PEAK1: variants seen among roughly 807,000 people sequenced by gnomAD.
The protein encoded by PEAK1 is pseudopodium enriched atypical kinase 1, also known as inactive tyrosine-protein kinase PEAK1.
Under a neutral mutation model 124.7 loss-of-function variants are expected in PEAK1, and 54 were observed. The observed-to-expected ratio is 0.43, with a 90% CI of 0.35 to 0.54. The LOEUF is 0.54. Among genes scored for constraint, PEAK1 ranks in the 20% least tolerant of loss-of-function variants. The probability of loss-of-function intolerance (pLI) is 0.01; values close to 1 mark genes in which losing one functional copy is unlikely to be tolerated. For synonymous variants in PEAK1, 719 were observed against 760.0 expected (o/e 0.95, Z 0.89); for missense variants, 2,046 against 2,134.5 (o/e 0.96, Z 0.82).
Position 77,133,799 on chromosome 15 carries a change from A to G in PEAK1, c.3332-49T>C, listed in dbSNP as rs777706123. The G allele has an allele frequency of 1.3e-6, 2 of 1,496,014 alleles. No individual in the cohort carries two copies. The highest frequency in any genetic ancestry group is 2.4e-5 in the Admixed American group (1 of 41,862). The allele number at this position is 1,496,014 out of a possible 1,614,324, so 92.7% of individuals were successfully genotyped here. On this transcript the variant is annotated intron_variant, in intron 8 of 9. Transcript: ENST00000682557. This position sits in a 1 kb window ranked among gnomAD's most constrained non-coding sequence, Gnocchi z 4.2. ...AAAGAAAAGAGTAAGTAAAGTTTTCAATCTAATTTTATAACTGAAACTTGA... is the reference window on the plus strand; with the variant it reads ...AAAGAAAAGAGTAAGTAAAGTTTTCGATCTAATTTTATAACTGAAACTTGA...
At chr15:77,378,688 T>C (rs926414837) in intron 1 of PEAK1, among the ~76,000 whole-genome samples, 10 of 152,172 alleles carry the variant, frequency 6.6e-5, no homozygotes, top group Non-Finnish European at 1.0e-4. Flanking sequence ...GTCAATTCTC[T>C]TTGGCTTCAG....
intron 2 of PEAK1, among the ~76,000 whole-genome samples, chr15:77,342,621 C>T (rs1597369791): frequency 6.6e-6 from 1 of 152,198 alleles, no homozygotes; most frequent in African/African-American, 2.4e-5. Flanking sequence ...GTTGCCCAGA[C>T]TAGTCTAGAA....
intron 2 of PEAK1, among the ~76,000 whole-genome samples, chr15:77,355,580 C>A (rs1324061494): frequency 6.6e-6 from 1 of 152,168 alleles, no homozygotes. Context: ...AGAAGCAATA[C>A]TGAAAAATCA....
At chr15:77,194,688 T>C (rs1335766604) in intron 6 of PEAK1, among the ~76,000 whole-genome samples, 1 of 152,204 alleles carries the variant, frequency 6.6e-6, no homozygotes, top group African/African-American at 2.4e-5. Flanking sequence ...TGGCACTGTA[T>C]GTTTCTTGAA....
intron 6 of PEAK1, among the ~76,000 whole-genome samples, chr15:77,220,520 CAAAA>C (rs34013493): frequency 1.3e-5 from 1 of 76,818 alleles, no homozygotes; most frequent in Non-Finnish European, 2.9e-5. Context: ...AGCTAAAATT[CAAAA>C]AAAAAAAAAA....
chr15:77,378,480 C>T (rs988111902), intron 1 of PEAK1, among the ~76,000 whole-genome samples: 2 of 152,004 alleles, frequency 1.3e-5, no homozygotes, highest in Non-Finnish European at 2.9e-5. Context: ...TTACATATTA[C>T]AAATTATATT....
chr15:77,404,666 T>G, intron 1 of PEAK1: 5 of 954,448 alleles, frequency 5.2e-6, no homozygotes, highest in Non-Finnish European at 6.2e-6. Flanking sequence ...TCTTCGAGAC[T>G]ATAAAGAGTC....
At chr15:77,268,841 G>A (rs1305511359) in intron 5 of PEAK1, among the ~76,000 whole-genome samples, 2 of 152,128 alleles carry the variant, frequency 1.3e-5, no homozygotes, top group African/African-American at 4.8e-5. Flanking sequence ...CAAGCTAGAA[G>A]GGACTGCAAT....
At chr15:77,266,058 C>T (rs527888707) in intron 5 of PEAK1, among the ~76,000 whole-genome samples, 2 of 151,438 alleles carry the variant, frequency 1.3e-5, no homozygotes, top group South Asian at 2.1e-4. Flanking sequence ...ACAATGAGAA[C>T]ACATGGACAC....
intron 1 of PEAK1, among the ~76,000 whole-genome samples, chr15:77,367,017 C>T (rs1350111166): frequency 6.6e-6 from 1 of 152,008 alleles, no homozygotes; most frequent in Non-Finnish European, 1.5e-5. Flanking sequence ...ACCTGTAATC[C>T]CATCTACTCA....
At chr15:77,235,257 TG>T (rs2060070032) in intron 6 of PEAK1, among the ~76,000 whole-genome samples, 1 of 151,884 alleles carries the variant, frequency 6.6e-6, no homozygotes, top group African/African-American at 2.4e-5. Flanking sequence ...ACTTTGGAAC[TG>T]GGTAACAAGC....
chr15:77,343,624 T>G (rs1329477406), intron 2 of PEAK1, among the ~76,000 whole-genome samples: 2 of 151,956 alleles, frequency 1.3e-5, no homozygotes, highest in African/African-American at 2.4e-5. Flanking sequence ...TAGCTGGGGT[T>G]ACAGGCACAC....
chr15:77,250,269 CAG>C (rs2060818380), intron 6 of PEAK1, among the ~76,000 whole-genome samples: 1 of 133,636 alleles, frequency 7.5e-6, no homozygotes, highest in Non-Finnish European at 1.5e-5. Context: ...TTTTTTTTGA[CAG>C]AGTTTCACTC....
Position 77,180,167 on chromosome 15 carries a change from G to T in PEAK1, c.1760C>A (p.Ser587Ter). ...AAATTTAATTTCAGACAAATTAGGTGACTTAACAGGGATGGTTTTGGAGGA... is the reference window on the plus strand; with the variant it reads ...AAATTTAATTTCAGACAAATTAGGTTACTTAACAGGGATGGTTTTGGAGGA... ...NISSKTIPVK[S>*]PNLSEIKFNS... The change falls in exon 7 of 10, where the codon TCA becomes TAA. Residue 587 changes from serine to a stop codon, truncating the protein, a stop_gained. Transcript: ENST00000682557. LOFTEE classifies it high-confidence loss of function. 6.2e-7 allele frequency: 1 copy of T among 1,614,054 alleles called. No homozygotes were observed. Among genetic ancestry groups the T allele is most frequent in the Non-Finnish European group, 8.5e-7 (1 of 1,179,922 alleles).
rs555386235 is a variant in PEAK1 at position 77,252,722 on chromosome 15, C to A, written c.-274-196G>T. ...CACTCAAGACCTCCCCATGGCATAC[C>A]AAAGAACCAGTAACTTACAAGAACC... is the stretch of plus-strand genomic sequence containing the variant. On this transcript the variant is annotated intron_variant, in intron 5 of 9. Coordinates refer to ENST00000682557, the MANE Select transcript of PEAK1 (RefSeq NM_001385026.1). 5.3e-5 allele frequency among the ~76,000 whole-genome samples: 8 copies of A among 152,218 alleles called. No individual in the cohort carries two copies. The East Asian group carries it at 1.5e-3, about 29-fold the overall frequency.
intron 9 of PEAK1, among the ~76,000 whole-genome samples, chr15:77,125,348 A>T (rs1482306980): frequency 1.3e-5 from 2 of 152,230 alleles, no homozygotes; most frequent in Non-Finnish European, 2.9e-5. Context: ...ACATGTGCTC[A>T]GAAAATTAAA....
At chr15:77,419,027 T>C (rs771558661) in intron 1 of PEAK1, 51 of 985,104 alleles carry the variant, frequency 5.2e-5, no homozygotes, top group Non-Finnish European at 6.1e-5. Flanking sequence ...AAAAAATCAA[T>C]TAGGTTTTCT....
At chr15:77,102,291 AC>A (rs1287659992) in exon 7 of PEAK1, 3 of 152,006 alleles carry the variant, frequency 2.0e-5, no homozygotes, top group Non-Finnish European at 4.4e-5. Context: ...GCTCTTTATA[AC>A]TCAGAATTTT....
intron 2 of PEAK1, among the ~76,000 whole-genome samples, chr15:77,361,544 G>A (rs1381768677): frequency 6.6e-6 from 1 of 152,154 alleles, no homozygotes; most frequent in South Asian, 2.1e-4. Context: ...CCCCAATTAG[G>A]ATGGCAGCTG....
Sources: allele counts gnomAD v4.1 joint callset (sites outside exome capture counted in the v4.1 genomes callset), GRCh38; gene constraint gnomAD v4.1.1; non-coding constraint Gnocchi (gnomAD v3.1); transcripts MANE v1.5; gene names NCBI Gene and HGNC (gene_info 2026-07-23, HGNC 2026-07-21).